MUSK: variants seen among roughly 807,000 people sequenced by gnomAD.
MUSK encodes the protein muscle associated receptor tyrosine kinase, also known as muscle, skeletal receptor tyrosine-protein kinase.
A neutral mutation model predicts 88.7 loss-of-function variants in MUSK; 55 were observed. The ratio of observed to expected loss-of-function variants is 0.62; its 90% CI spans 0.50 to 0.78. MUSK has a LOEUF of 0.78. MUSK is among the 30% of genes least tolerant of loss of function. The pLI is 0.00. For missense variants in MUSK, 1,015 were observed against 1,074.3 expected (o/e 0.94, Z 0.77); for synonymous variants, 387 against 391.9 (o/e 0.99, Z 0.15).
chr9:110,803,948 A>G lies in MUSK; in HGVS notation c.*2960A>G, dbSNP rs994030832. On this transcript the variant is annotated 3_prime_UTR_variant, in exon 15 of 15. Transcript: ENST00000374448. ...AGATATCAGTAAGGCACCAGCAGTC[A>G]TTTTTAGTGATCAAATACCAAACAT... 6.6e-6 allele frequency among the ~76,000 whole-genome samples: 1 copy of G among 152,202 alleles called. No homozygotes were observed. Among genetic ancestry groups the G allele is most frequent in the African/African-American group, 2.4e-5 (1 of 41,460 alleles).
rs776795823 is a variant in MUSK, at chr9:110,787,793, G to C, written c.1882G>C (p.Ala628Pro). The change falls in exon 14 of 15, where the codon GCC becomes CCC. Residue 628 changes from alanine to proline, a missense_variant. Transcript: ENST00000374448. ...GCAAGCGGACTTTCAGAGGGAGGCA[G>C]CCCTCATGGCAGAATTTGACAACCC... is the stretch of plus-strand genomic sequence containing the variant. The part of the protein sequence containing the change: ...DMQADFQREA[A>P]LMAEFDNPNI... 3 of 1,613,432 alleles carry C rather than the reference G, an allele frequency of 1.9e-6. No individual in the cohort carries two copies. Among genetic ancestry groups the C allele is most frequent in the Non-Finnish European group, 2.5e-6 (3 of 1,179,692 alleles).
chr9:110,725,335 A>G (rs934082219), intron 5 of MUSK, among the ~76,000 whole-genome samples: 1 of 151,984 alleles, frequency 6.6e-6, no homozygotes, highest in African/African-American at 2.4e-5. Flanking sequence ...TAGAAGTGGG[A>G]AAAGGGTCTT....
rs964735251 is a variant in MUSK at position 110,805,748 on chromosome 9, T to C, written c.*4760T>C. The stretch of plus-strand genomic sequence containing the variant: ...ATGAATTTATTTCCTAATGTAGCGA[T>C]ATCCTTGTCTTCTAGGAATAAACTT... On this transcript the variant is annotated 3_prime_UTR_variant, in exon 15 of 15. Coordinates refer to ENST00000374448, the MANE Select transcript of MUSK (RefSeq NM_005592.4). Among the ~76,000 whole-genome samples, 2 of 152,020 alleles carry C rather than the reference T, an allele frequency of 1.3e-5. No homozygotes were observed. The highest frequency in any genetic ancestry group is 1.3e-4 in the Admixed American group (2 of 15,258).
intron 11 of MUSK, among the ~76,000 whole-genome samples, chr9:110,780,871 G>A (rs765090722): frequency 6.6e-6 from 1 of 152,126 alleles, no homozygotes; most frequent in Non-Finnish European, 1.5e-5. Context: ...CTTCATGTTG[G>A]GAGCTTGAGA....
chr9:110,689,774 A>ATG (rs2076283629), intron 3 of MUSK, among the ~76,000 whole-genome samples: 2 of 64,368 alleles, frequency 3.1e-5, no homozygotes, highest in Non-Finnish European at 5.6e-5. Flanking sequence ...TATATATCAC[A>ATG]TATAGTTTAT....
At chr9:110,685,493 G>A (rs895174130) in intron 2 of MUSK, among the ~76,000 whole-genome samples, 8 of 152,018 alleles carry the variant, frequency 5.3e-5, no homozygotes, top group African/African-American at 1.9e-4. Flanking sequence ...AAATGAGGCC[G>A]CAGCTTCGAC....
At chr9:110,740,844 G>A (rs181402240) in intron 6 of MUSK, among the ~76,000 whole-genome samples, 22 of 152,240 alleles carry the variant, frequency 1.4e-4, no homozygotes, top group African/African-American at 4.1e-4. Context: ...AAGGCGTCTC[G>A]ACATGGATAA....
intron 5 of MUSK, among the ~76,000 whole-genome samples, chr9:110,732,314 G>A (rs996493462): frequency 5.3e-5 from 8 of 151,988 alleles, no homozygotes; most frequent in Non-Finnish European, 2.9e-5. Flanking sequence ...GCCAGATGAT[G>A]CACATGGACT....
chr9:110,721,052 A>T (rs2076804472), intron 5 of MUSK, among the ~76,000 whole-genome samples: 1 of 152,192 alleles, frequency 6.6e-6, no homozygotes, highest in Non-Finnish European at 1.5e-5. Context: ...CATTATGATT[A>T]AAACCCTCAG....
chr9:110,710,804 AT>A (rs948464457), intron 5 of MUSK, among the ~76,000 whole-genome samples: 7 of 152,126 alleles, frequency 4.6e-5, no homozygotes, highest in African/African-American at 1.7e-4. Flanking sequence ...ATCATATTTT[AT>A]TCACTATAGA....
intron 14 of MUSK, 76 bp downstream of exon 14, chr9:110,787,914 CT>C: frequency 6.7e-7 from 1 of 1,496,204 alleles, no homozygotes; most frequent in Non-Finnish European, 9.1e-7. Flanking sequence ...CTTGTTCGTG[CT>C]TTTTCCTTTT....
intron 5 of MUSK, among the ~76,000 whole-genome samples, chr9:110,717,660 T>C (rs1286358846): frequency 6.7e-6 from 1 of 150,010 alleles, no homozygotes; most frequent in Non-Finnish European, 1.5e-5. Flanking sequence ...GATATCTTTG[T>C]CTTTGTCTTT....
At chr9:110,766,975 G>A (rs1017148954) in intron 8 of MUSK, among the ~76,000 whole-genome samples, 1 of 152,194 alleles carries the variant, frequency 6.6e-6, no homozygotes, top group Non-Finnish European at 1.5e-5. Context: ...AGTACCAATA[G>A]CATTTTCCAT....
chr9:110,719,147 T>C (rs949664771), intron 5 of MUSK, among the ~76,000 whole-genome samples: 34 of 152,046 alleles, frequency 2.2e-4, no homozygotes, highest in African/African-American at 8.2e-4. Context: ...AGGACCTATA[T>C]AACAGTAACA....
chr9:110,722,835 G>A (rs1372631843), intron 5 of MUSK, among the ~76,000 whole-genome samples: 4 of 152,022 alleles, frequency 2.6e-5, no homozygotes, highest in Admixed American at 1.3e-4. Context: ...AAACCACAAC[G>A]TGATATCACC....
At chr9:110,676,698 C>T (rs1012961229) in intron 1 of MUSK, among the ~76,000 whole-genome samples, 1 of 152,076 alleles carries the variant, frequency 6.6e-6, no homozygotes, top group Admixed American at 6.5e-5. Flanking sequence ...TGGCTTCCAG[C>T]TCTATCCATG....
At chr9:110,746,570 T>C (rs999709891) in intron 6 of MUSK, among the ~76,000 whole-genome samples, 1 of 152,214 alleles carries the variant, frequency 6.6e-6, no homozygotes, top group African/African-American at 2.4e-5. Context: ...TGGAGTAATG[T>C]TGACTAATAT....
chr9:110,696,439 T>C (rs1014976010), intron 4 of MUSK, among the ~76,000 whole-genome samples: 3 of 152,246 alleles, frequency 2.0e-5, no homozygotes, highest in Non-Finnish European at 2.9e-5. Context: ...ATGCATAGTA[T>C]ATTTTAAGAG....
intron 3 of MUSK, among the ~76,000 whole-genome samples, chr9:110,695,158 T>C (rs143968553): frequency 6.6e-6 from 1 of 152,310 alleles, no homozygotes; most frequent in African/African-American, 2.4e-5. Flanking sequence ...ACACTGTTAA[T>C]ATTTTTCATA....
Sources: gnomAD v4.1 joint callset for allele counts (sites outside exome capture counted in the v4.1 genomes callset) on GRCh38, gnomAD v4.1.1 for gene constraint, MANE v1.5 for transcripts, NCBI Gene and HGNC (gene_info 2026-07-23, HGNC 2026-07-21) for gene names.